Variants in MAF observed in about 807,000 individuals in gnomAD.
MAF encodes the protein transcription factor Maf.
Under a neutral mutation model 22.0 loss-of-function variants are expected in MAF, and 10 were observed. The ratio of observed to expected loss-of-function variants is 0.45; its 90% CI spans 0.28 to 0.77. The LOEUF (loss-of-function observed/expected upper bound fraction) is 0.77, where lower values mean the gene tolerates loss of function less well. Ranked by LOEUF, MAF falls within the 30% of genes least tolerant of loss-of-function variation. The pLI is 0.12. For missense variants in MAF, 544 were observed against 548.4 expected (o/e 0.99, Z 0.08); for synonymous variants, 337 against 255.8 (o/e 1.32, Z -3.03).
At chr16:79,502,715 ATATATATATATATATAT>A in the MAF span, among the ~76,000 whole-genome samples, 634 of 41,186 alleles carry the variant, frequency 0.015, 22 homozygotes, top group African/African-American at 0.028. Flanking sequence ...ATAAATATAT[ATATATATATATATATAT>A]ATATATATAT....
At chr16:79,521,911 G>C in the MAF span, among the ~76,000 whole-genome samples, 4 of 152,204 alleles carry the variant, frequency 2.6e-5, no homozygotes, top group African/African-American at 9.6e-5. Flanking sequence ...AACAATGCTG[G>C]GCTCTGGGGA....
chr16:79,364,869 G>T, the MAF span, among the ~76,000 whole-genome samples: 5 of 152,204 alleles, frequency 3.3e-5, no homozygotes, highest in Non-Finnish European at 5.9e-5. Flanking sequence ...CTTGCTAAAA[G>T]ATAAACTTAG....
At chr16:79,431,772 A>G in the MAF span, among the ~76,000 whole-genome samples, 1 of 152,332 alleles carries the variant, frequency 6.6e-6, no homozygotes, top group African/African-American at 2.4e-5. Flanking sequence ...ACAGAGAAAC[A>G]TGATTTTCTG....
At chr16:79,446,816 G>A in the MAF span, among the ~76,000 whole-genome samples, 1 of 151,978 alleles carries the variant, frequency 6.6e-6, no homozygotes, top group Non-Finnish European at 1.5e-5. Flanking sequence ...TGCGAGTCAG[G>A]AGGATCACTT....
the MAF span, among the ~76,000 whole-genome samples, chr16:79,400,654 A>G: frequency 2.6e-5 from 4 of 152,314 alleles, no homozygotes; most frequent in Admixed American, 2.6e-4. Flanking sequence ...CCTGATTGGG[A>G]TCTGACTATT....
At chr16:79,216,207 T>C in the MAF span, among the ~76,000 whole-genome samples, 2 of 152,246 alleles carry the variant, frequency 1.3e-5, no homozygotes, top group Non-Finnish European at 2.9e-5. Context: ...CATCTGTATA[T>C]GTATACGTGT....
chr16:79,242,320 G>A, the MAF span, among the ~76,000 whole-genome samples: 19 of 149,714 alleles, frequency 1.3e-4, no homozygotes, highest in Admixed American at 4.1e-4. Context: ...ACACACATAC[G>A]CTCAAAATAA....
the MAF span, among the ~76,000 whole-genome samples, chr16:79,468,206 G>C: frequency 6.6e-6 from 1 of 152,152 alleles, no homozygotes; most frequent in African/African-American, 2.4e-5. Context: ...GAAGGTACAG[G>C]TGAAATGGGG....
chr16:79,448,452 G>A, the MAF span, among the ~76,000 whole-genome samples: 1 of 150,960 alleles, frequency 6.6e-6, no homozygotes, highest in Non-Finnish European at 1.5e-5. Context: ...TTGAGGAGGA[G>A]TCTTGCACTG....
chr16:79,383,560 G>A, the MAF span, among the ~76,000 whole-genome samples: 1 of 152,188 alleles, frequency 6.6e-6, no homozygotes, highest in Non-Finnish European at 1.5e-5. Flanking sequence ...GTACAAGTAT[G>A]CTTTGATCTC....
At chr16:79,252,773 A>G in the MAF span, among the ~76,000 whole-genome samples, 1 of 152,130 alleles carries the variant, frequency 6.6e-6, no homozygotes, top group Non-Finnish European at 1.5e-5. Flanking sequence ...TACAGGTGTG[A>G]GTCACCGTGC....
Position 79,599,026 on chromosome 16 carries a change from T to C in MAF, c.877A>G (p.Arg293Gly). 1 of 1,613,382 alleles carries C rather than the reference T, an allele frequency of 6.2e-7. No homozygotes were observed. The highest frequency in any genetic ancestry group is 8.5e-7 in the Non-Finnish European group (1 of 1,179,926). The change falls in exon 1 of 2, where the codon AGG (arginine) becomes GGG (glycine). Residue 293 changes from arginine to glycine, a missense_variant. Coordinates refer to ENST00000326043, the MANE Select transcript of MAF (RefSeq NM_005360.5). ...KEEVIRLKQK[R>G]RTLKNRGYAQ... ...TAGCCGCGGTTTTTCAGGGTCCGCCTCTTCTGCTTCAGCCGGATCACCTCC... is the reference window on the plus strand; with the variant it reads ...TAGCCGCGGTTTTTCAGGGTCCGCCCCTTCTGCTTCAGCCGGATCACCTCC...
At chr16:79,502,674 A>AATAAATATAAAT in the MAF span, among the ~76,000 whole-genome samples, 385 of 75,844 alleles carry the variant, frequency 5.1e-3, 4 homozygotes, top group Middle Eastern at 0.016. Context: ...TCCAAAAATA[A>AATAAATATAAAT]ATAAATATAA....
At chr16:79,535,604 T>TTTC in the MAF span, among the ~76,000 whole-genome samples, 1 of 149,298 alleles carries the variant, frequency 6.7e-6, no homozygotes, top group African/African-American at 2.5e-5. Context: ...TTTTTTTTTT[T>TTTC]CCGAGACAGA....
the MAF span, among the ~76,000 whole-genome samples, chr16:79,215,612 G>T: frequency 1.3e-5 from 2 of 152,136 alleles, no homozygotes; most frequent in East Asian, 3.9e-4. Context: ...GTTCACATCT[G>T]CAGGCTGACA....
At chr16:79,312,344 A>G in the MAF span, among the ~76,000 whole-genome samples, 1 of 152,226 alleles carries the variant, frequency 6.6e-6, no homozygotes, top group Non-Finnish European at 1.5e-5. Flanking sequence ...CACTGCAAGC[A>G]TTAAATACGA....
the MAF span, among the ~76,000 whole-genome samples, chr16:79,534,895 C>T: frequency 2.0e-5 from 3 of 152,126 alleles, no homozygotes; most frequent in Admixed American, 6.5e-5. Context: ...CAGTGTGGGC[C>T]AACCGCTTCA....
At chr16:79,580,721 C>T in the MAF span, among the ~76,000 whole-genome samples, 1 of 152,024 alleles carries the variant, frequency 6.6e-6, no homozygotes, top group Non-Finnish European at 1.5e-5. Flanking sequence ...AGCCTCAAAC[C>T]TCCGAACCTG....
chr16:79,520,796 C>T, the MAF span, among the ~76,000 whole-genome samples: 2,062 of 152,288 alleles, frequency 0.014, 24 homozygotes, highest in Middle Eastern at 0.024. Context: ...GGGCACCCAA[C>T]TGCTGGGAAG....
Sources: allele counts gnomAD v4.1 joint callset (sites outside exome capture counted in the v4.1 genomes callset), GRCh38; gene constraint gnomAD v4.1.1; transcripts MANE v1.5; gene names NCBI Gene and HGNC (gene_info 2026-07-23, HGNC 2026-07-21).